Variants in LRP1B observed in about 807,000 individuals in gnomAD.
LRP1B encodes LDL receptor related protein 1B.
Under a neutral mutation model 556.6 loss-of-function variants are expected in LRP1B, and 217 were observed. The observed-to-expected ratio is 0.39, with a 90% CI of 0.35 to 0.44. The LOEUF (loss-of-function observed/expected upper bound fraction) is 0.44, where lower values mean the gene tolerates loss of function less well. Among genes scored for constraint, LRP1B ranks in the 20% least tolerant of loss-of-function variants. The pLI is 1.00. For synonymous variants in LRP1B, 2,047 were observed against 1,865.8 expected (o/e 1.10, Z -2.50); for missense variants, 5,053 against 5,620.8 (o/e 0.90, Z 3.23).
intron 35 of LRP1B, among the ~76,000 whole-genome samples, chr2:140,748,599 A>ATATATATATATATATATATTCG (rs1688433433): frequency 3.1e-5 from 1 of 32,540 alleles, no homozygotes; most frequent in African/African-American, 7.9e-5. Context: ...GTGTATATAT[A>ATATATATATATATATATATTCG]TATATATATA....
intron 41 of LRP1B, among the ~76,000 whole-genome samples, chr2:140,610,693 C>G (rs1042243608): frequency 7.2e-5 from 11 of 152,234 alleles, no homozygotes; most frequent in Admixed American, 7.2e-4. Context: ...GCACGCCATT[C>G]TCCTGCCTCA....
chr2:141,573,633 T>A, intron 2 of LRP1B, among the ~76,000 whole-genome samples: 28 of 87,526 alleles, frequency 3.2e-4, no homozygotes, highest in African/African-American at 4.8e-4. Context: ...CGAAAAACCC[T>A]CCAAAAAAAA....
intron 2 of LRP1B, among the ~76,000 whole-genome samples, chr2:141,665,636 A>G (rs892236529): frequency 6.6e-6 from 1 of 152,220 alleles, no homozygotes; most frequent in Non-Finnish European, 1.5e-5. Context: ...TCATATGTTC[A>G]TTGTAGCACT....
At chr2:140,690,743 A>G (rs2165506) in intron 41 of LRP1B, among the ~76,000 whole-genome samples, 87,670 of 151,972 alleles carry the variant, frequency 0.58, 26,780 homozygotes, top group Middle Eastern at 0.75. Flanking sequence ...TTGGACCATA[A>G]AAATTAACCT....
intron 2 of LRP1B, among the ~76,000 whole-genome samples, chr2:141,796,288 T>C (rs1008581589): frequency 2.6e-5 from 4 of 151,998 alleles, no homozygotes; most frequent in Non-Finnish European, 5.9e-5. Flanking sequence ...CCAATCGGAG[T>C]GCAGAAATTC....
intron 14 of LRP1B, among the ~76,000 whole-genome samples, chr2:141,007,400 A>C (rs1697607678): frequency 6.6e-6 from 1 of 151,944 alleles, no homozygotes; most frequent in Admixed American, 6.6e-5. Flanking sequence ...TGTTTATAAC[A>C]AATTAAAAAA....
At chr2:140,852,347 A>C (rs1392311903) in intron 27 of LRP1B, among the ~76,000 whole-genome samples, 2 of 152,212 alleles carry the variant, frequency 1.3e-5, no homozygotes. Context: ...AAACAAAAAA[A>C]GACGTCAAGA....
chr2:141,124,781 C>T (rs1468004269), intron 7 of LRP1B, among the ~76,000 whole-genome samples: 1 of 151,752 alleles, frequency 6.6e-6, no homozygotes, highest in African/African-American at 2.4e-5. Context: ...TTAAAAGCAG[C>T]TTTGTTAAAT....
chr2:141,065,461 T>A (rs1699454875), intron 7 of LRP1B, among the ~76,000 whole-genome samples: 1 of 151,978 alleles, frequency 6.6e-6, no homozygotes, highest in Admixed American at 6.6e-5. Flanking sequence ...TTGTGTTTAA[T>A]CGTCTTTTCT....
intron 84 of LRP1B, among the ~76,000 whole-genome samples, chr2:140,282,901 T>A (rs1682974373): frequency 6.6e-6 from 1 of 151,798 alleles, no homozygotes; most frequent in Non-Finnish European, 1.5e-5. Flanking sequence ...CAACTCTGGG[T>A]CACTCTAAGC....
intron 2 of LRP1B, among the ~76,000 whole-genome samples, chr2:141,800,617 T>C (rs1174687878): frequency 6.6e-6 from 1 of 152,194 alleles, no homozygotes; most frequent in Non-Finnish European, 1.5e-5. Flanking sequence ...AAGGAGATAA[T>C]CCATGTAACC....
intron 57 of LRP1B, among the ~76,000 whole-genome samples, chr2:140,490,754 A>G (rs1688663334): frequency 6.6e-6 from 1 of 152,142 alleles, no homozygotes; most frequent in Admixed American, 6.6e-5. Flanking sequence ...GCCCATAGGC[A>G]AAACTGGGCA....
rs1034475387 is a variant in LRP1B at position 141,136,033 on chromosome 2, G to T, written c.1013+52388C>A. On this transcript the variant is annotated intron_variant, in intron 7 of 90. Transcript: ENST00000389484. ...TAATGGAGAGTGGACTATATTAATT[G>T]TTACTGATAAATAGAAAGTTAAGAC... Among the ~76,000 whole-genome samples the T allele has an allele frequency of 6.6e-5, 10 of 151,960 alleles. No individual in the cohort carries two copies. The South Asian group carries it at 1.5e-3, about 22-fold the overall frequency.
chr2:140,472,234 GAATA>G lies in LRP1B; in HGVS notation c.9625+2900_9625+2903del, dbSNP rs113914084. ...GTAAATATTGAATGAATGAATGAATGAATAAATGAATGATGGGCATAGTTAACAG... is the reference window on the plus strand; with the variant it reads ...GTAAATATTGAATGAATGAATGAATGAATGAATGATGGGCATAGTTAACAG... On this transcript the variant is annotated intron_variant, in intron 60 of 90. Coordinates refer to ENST00000389484, the MANE Select transcript of LRP1B (RefSeq NM_018557.3). 5.1e-3 allele frequency among the ~76,000 whole-genome samples: 773 copies of G among 152,206 alleles called. 11 individuals carry two copies. The highest frequency in any genetic ancestry group is 0.016 in the African/African-American group (663 of 41,560).
At chr2:140,696,984 G>T (rs1414462890) in intron 41 of LRP1B, among the ~76,000 whole-genome samples, 4 of 151,992 alleles carry the variant, frequency 2.6e-5, no homozygotes, top group African/African-American at 9.7e-5. Flanking sequence ...AATTTTCATA[G>T]AAAATGTATG....
intron 1 of LRP1B, among the ~76,000 whole-genome samples, chr2:142,096,029 A>T (rs1322275030): frequency 2.0e-5 from 3 of 151,778 alleles, no homozygotes; most frequent in Admixed American, 1.3e-4. Flanking sequence ...GCCAGGTCTT[A>T]GTCCACTTAA....
intron 1 of LRP1B, among the ~76,000 whole-genome samples, chr2:141,836,177 C>A (rs960805104): frequency 2.2e-4 from 33 of 151,916 alleles, no homozygotes; most frequent in Admixed American, 1.7e-3. Flanking sequence ...AAACTGATGG[C>A]AACTTCAATT....
At chr2:141,409,204 G>T (rs1335938434) in intron 3 of LRP1B, among the ~76,000 whole-genome samples, 1 of 152,156 alleles carries the variant, frequency 6.6e-6, no homozygotes, top group Non-Finnish European at 1.5e-5. Context: ...CACACGTTAA[G>T]TTATATAAAC....
At chr2:141,743,408 TTGTC>T (rs1456506083) in intron 2 of LRP1B, among the ~76,000 whole-genome samples, 1 of 152,100 alleles carries the variant, frequency 6.6e-6, no homozygotes, top group African/African-American at 2.4e-5. Context: ...TAATGTGTCT[TTGTC>T]TGCTTTTGGT....
Sources: gnomAD v4.1 joint callset for allele counts (sites outside exome capture counted in the v4.1 genomes callset) on GRCh38, gnomAD v4.1.1 for gene constraint, MANE v1.5 for transcripts, NCBI Gene and HGNC (gene_info 2026-07-23, HGNC 2026-07-21) for gene names.